Variants in MYCBP observed in about 807,000 individuals in gnomAD.
MYCBP encodes MYC binding protein.
A neutral mutation model predicts 16.8 loss-of-function variants in MYCBP; 5 were observed. The observed-to-expected ratio is 0.30, with a 90% CI of 0.16 to 0.63. The LOEUF is 0.63. Among genes scored for constraint, MYCBP ranks in the 20% least tolerant of loss-of-function variants. MYCBP has a pLI of 0.83. For synonymous variants in MYCBP, 35 were observed against 43.7 expected, an observed-to-expected ratio of 0.80 and a Z score of 0.79; for missense variants, 103 against 121.8, an observed-to-expected ratio of 0.85 and a Z score of 0.73.
At chr1:38,872,603 T>C (rs914398899) in intron 2 of MYCBP, 3 of 196,486 alleles carry the variant, frequency 1.5e-5, no homozygotes, top group African/African-American at 7.1e-5. Context: ...AGCTACTTCA[T>C]AGCCCACTTG....
chr1:38,864,599 G>A lies in MYCBP; in HGVS notation c.*71C>T, dbSNP rs763971404. On this transcript the variant is annotated 3_prime_UTR_variant, in exon 5 of 5. Transcript: ENST00000397572. ...AGTTCTATAGCATCTGTTCAGAAAA[G>A]ATTATATACTATACAAACTATTCAA... 39 of 1,472,958 alleles carry A rather than the reference G, an allele frequency of 2.6e-5. No homozygotes were observed. The highest frequency in any genetic ancestry group is 3.4e-5 in the Non-Finnish European group (36 of 1,053,100). The allele number at this position is 1,472,958 out of a possible 1,614,324, so 91.2% of individuals were successfully genotyped here.
At chr1:38,867,057 T>C (rs746577727) in intron 3 of MYCBP, 48 bp from the exon 4 acceptor site, 16 of 1,536,182 alleles carry the variant, frequency 1.0e-5, no homozygotes, top group Non-Finnish European at 1.3e-5. Flanking sequence ...ATGAAACTAA[T>C]GAAATAGCAC....
chr1:38,870,753 A>G (rs1379870641), intron 2 of MYCBP, among the ~76,000 whole-genome samples: 1 of 125,956 alleles, frequency 7.9e-6, no homozygotes, highest in Non-Finnish European at 1.6e-5. Flanking sequence ...AGATTGCGCC[A>G]CTGCAGTCCG....
intron 2 of MYCBP, 31 bp downstream of exon 2, chr1:38,872,987 C>A: frequency 6.4e-7 from 1 of 1,554,812 alleles, no homozygotes; most frequent in South Asian, 1.2e-5. Context: ...ACGACGAGGG[C>A]ACGAGGTACC....
chr1:38,870,629 T>C (rs1213819798), intron 2 of MYCBP, among the ~76,000 whole-genome samples: 2 of 147,608 alleles, frequency 1.4e-5, no homozygotes, highest in African/African-American at 5.0e-5. Context: ...CCGTCTCTAC[T>C]AAAAATACAA....
At position 38,867,630 on chromosome 1, in the gene MYCBP, A is replaced by G. The variant is rs1466572810; in HGVS notation, c.89-20T>C. The G allele has an allele frequency of 1.2e-6, 2 of 1,610,600 alleles. No homozygotes were observed. Among genetic ancestry groups the G allele is most frequent in the African/African-American group, 2.7e-5 (2 of 74,948 alleles). On this transcript the variant is annotated intron_variant, in intron 2 of 4. Transcript: ENST00000397572. Reference sequence around the variant, plus strand: ...CCAACACTGCAAATCAAAAAGCAGAAAAAGCAACAATTGACGTATTAAATT... The same window carrying G: ...CCAACACTGCAAATCAAAAAGCAGAGAAAGCAACAATTGACGTATTAAATT...
At position 38,866,621 on chromosome 1, in the gene MYCBP, T is replaced by C. The variant is rs202150427; in HGVS notation, c.267+259A>G. Among the ~76,000 whole-genome samples, 3 of 151,764 alleles carry C rather than the reference T, an allele frequency of 2.0e-5. No individual in the cohort carries two copies. In the East Asian group the frequency reaches 5.9e-4, roughly 30 times the overall value. On this transcript the variant is annotated intron_variant, in intron 4 of 4. Transcript: ENST00000397572. ...TAGTAGAGACAGGGTTTCACCATGT[T>C]GACCAGGCTGGTCTCGAACTCTTGA...
chr1:38,873,320 C>T lies in MYCBP; in HGVS notation c.-15G>A, dbSNP rs767708885. On this transcript the variant is annotated 5_prime_UTR_variant, in exon 1 of 5. Transcript: ENST00000397572. ...TAATGGGCCATAGTGACAGCGGCAG[C>T]GGCGTAGCTGGCGCCGGAGACCGCG... 1.9e-6 allele frequency: 3 copies of T among 1,600,442 alleles called. No homozygotes were observed. The highest frequency in any genetic ancestry group is 2.5e-6 in the Non-Finnish European group (3 of 1,178,308).
At chr1:38,867,446 CAA>C (rs11338710) in intron 3 of MYCBP, 114 bp downstream of exon 3, 29,119 of 607,430 alleles carry the variant, frequency 0.048, 1 homozygote, top group Middle Eastern at 0.067. Context: ...GACTCCGTCT[CAA>C]AAAAAAAAAA....
intron 2 of MYCBP, among the ~76,000 whole-genome samples, chr1:38,869,852 G>A (rs1257084129): frequency 7.5e-6 from 1 of 132,506 alleles, no homozygotes; most frequent in Non-Finnish European, 1.6e-5. Flanking sequence ...ATCAACCTGG[G>A]CAACACCCCA....
chr1:38,871,166 G>A (rs970417427), intron 2 of MYCBP, among the ~76,000 whole-genome samples: 6 of 152,110 alleles, frequency 3.9e-5, no homozygotes, highest in East Asian at 1.9e-4. Flanking sequence ...GCTTGAACCC[G>A]GAGGTGGAGG....
intron 2 of MYCBP, among the ~76,000 whole-genome samples, chr1:38,871,440 T>C (rs1035633256): frequency 2.0e-5 from 3 of 149,928 alleles, no homozygotes; most frequent in African/African-American, 2.5e-5. Flanking sequence ...TTTTTTTTTT[T>C]TTTTTTTGGA....
intron 2 of MYCBP, among the ~76,000 whole-genome samples, chr1:38,872,085 T>C (rs918811156): frequency 6.6e-6 from 1 of 152,230 alleles, no homozygotes; most frequent in Non-Finnish European, 1.5e-5. Flanking sequence ...ACTAGCCTTC[T>C]TTCTTCTAAG....
chr1:38,870,709 C>T (rs1056595119), intron 2 of MYCBP, among the ~76,000 whole-genome samples: 17 of 135,598 alleles, frequency 1.3e-4, no homozygotes, highest in African/African-American at 4.6e-4. Flanking sequence ...AGGAGAATGG[C>T]GTGAACCCGG....
At position 38,864,546 on chromosome 1, in the gene MYCBP, G is replaced by T; in HGVS notation, c.*124C>A. 2.1e-6 allele frequency: 2 copies of T among 963,468 alleles called. No individual in the cohort carries two copies. Among genetic ancestry groups the T allele is most frequent in the Non-Finnish European group, 3.3e-6 (2 of 614,032 alleles). The allele number at this position is 963,468 out of a possible 1,614,324, so 59.7% of individuals were successfully genotyped here. A position where few individuals can be genotyped will look rare whatever the true frequency, so the allele number is the denominator to read the frequency against. On this transcript the variant is annotated 3_prime_UTR_variant, in exon 5 of 5. Coordinates refer to ENST00000397572, the MANE Select transcript of MYCBP (RefSeq NM_012333.5). ...TGATTCTATGTGTTTTTAACAGAGTGTGATAGGTGAATTAAACATATTAAA... is the reference window on the plus strand; with the variant it reads ...TGATTCTATGTGTTTTTAACAGAGTTTGATAGGTGAATTAAACATATTAAA...
At chr1:38,870,742 G>A (rs1231567391) in intron 2 of MYCBP, among the ~76,000 whole-genome samples, 39 of 134,162 alleles carry the variant, frequency 2.9e-4, no homozygotes, top group African/African-American at 1.0e-3. Context: ...GCAGTGAGCC[G>A]AGATTGCGCC....
At chr1:38,866,716 G>A (rs914273695) in intron 4 of MYCBP, among the ~76,000 whole-genome samples, 164 bp downstream of exon 4, 1 of 152,034 alleles carries the variant, frequency 6.6e-6, no homozygotes, top group Non-Finnish European at 1.5e-5. Context: ...TGCCAGGCCC[G>A]TCTTGTGGTT....
At chr1:38,871,435 T>C (rs1642464938) in intron 2 of MYCBP, among the ~76,000 whole-genome samples, 1 of 149,582 alleles carries the variant, frequency 6.7e-6, no homozygotes, top group African/African-American at 2.5e-5. Context: ...CACTTTTTTT[T>C]TTTTTTTTTT....
At chr1:38,865,694 C>G (rs2124250981) in intron 4 of MYCBP, among the ~76,000 whole-genome samples, 1 of 152,164 alleles carries the variant, frequency 6.6e-6, no homozygotes, top group East Asian at 1.9e-4. Flanking sequence ...CCCAGCTACT[C>G]AGGAGGCAGA....
Sources: allele counts gnomAD v4.1 joint callset (sites outside exome capture counted in the v4.1 genomes callset), GRCh38; gene constraint gnomAD v4.1.1; transcripts MANE v1.5; gene names NCBI Gene and HGNC (gene_info 2026-07-23, HGNC 2026-07-21).